The following C1orf35 variants were observed in gnomAD, a reference collection of about 807,000 sequenced individuals.
C1orf35 encodes the protein chromosome 1 open reading frame 35, also known as multiple myeloma tumor-associated protein 2.
Under a neutral mutation model 30.9 loss-of-function variants are expected in C1orf35, and 36 were observed. That is an observed-to-expected ratio of 1.16 (90% CI 0.89 to 1.54). C1orf35 has a LOEUF of 1.54. Ranked by LOEUF, C1orf35 falls within the 40% of genes most tolerant of loss-of-function variation. The probability of loss-of-function intolerance (pLI) is 0.00; values close to 1 mark genes in which losing one functional copy is unlikely to be tolerated. For missense variants in C1orf35, 396 were observed against 358.7 expected (o/e 1.10, Z -0.84); for synonymous variants, 179 against 148.2 (o/e 1.21, Z -1.51).
At chr1:228,101,749 C>G in intron 6 of C1orf35, 2 of 1,415,550 alleles carry the variant, frequency 1.4e-6, no homozygotes, top group South Asian at 1.5e-5. Context: ...ACCCACCAGG[C>G]CACTCTTAGG....
intron 2 of C1orf35, 96 bp downstream of exon 2, chr1:228,102,803 T>TGGCCCCCCCCCCCC: frequency 8.4e-7 from 1 of 1,187,498 alleles, no homozygotes; most frequent in Non-Finnish European, 1.1e-6. Flanking sequence ...GCAGCCCCGC[T>TGGCCCCCCCCCCCC]CCCGCCCAGC....
At chr1:228,101,695 C>T in intron 6 of C1orf35, 1 of 1,432,236 alleles carries the variant, frequency 7.0e-7, no homozygotes, top group Non-Finnish European at 9.1e-7. Context: ...CGCCCCTGCC[C>T]CACCCCAGCC....
In C1orf35 at chr1:228,102,895, T is replaced by G. The variant is rs754394326; in HGVS notation, c.245+4A>C. The G allele has an allele frequency of 2.1e-6, 3 of 1,443,756 alleles. No individual in the cohort carries two copies. The highest frequency in any genetic ancestry group is 1.8e-6 in the Non-Finnish European group (2 of 1,107,744). 89.4% of individuals were successfully genotyped at this position (1,443,756 alleles called of 1,614,324 possible). A position where few individuals can be genotyped will look rare whatever the true frequency, so the allele number is the denominator to read the frequency against. ...ACCGACCGCTGCCGTCCGCGGACAC[T>G]CACAGGGCGGCCAGCAGCGCCTCGC... On this transcript the variant is annotated splice_donor_region_variant and intron_variant, in intron 2 of 7. Transcript: ENST00000272139.
At position 228,101,415 on chromosome 1, in the gene C1orf35, T is replaced by C; in HGVS notation, c.592A>G (p.Lys198Glu). The C allele has an allele frequency of 6.2e-7, 1 of 1,613,962 alleles. No individual in the cohort carries two copies. The highest frequency in any genetic ancestry group is 8.5e-7 in the Non-Finnish European group (1 of 1,179,968). Reference protein sequence around the residue: ...EKKKKKKRKHKKEKKKKDKEH... With the variant: ...EKKKKKKRKHEKEKKKKDKEH... Reference sequence around the variant, plus strand: ...TTGTCTTTCTTCTTCTTCTCTTTCTTGTGTTTCCTCTTTTTCTTTTTCTTC... The same window carrying C: ...TTGTCTTTCTTCTTCTTCTCTTTCTCGTGTTTCCTCTTTTTCTTTTTCTTC... Residue 198 changes from lysine to glutamate, a missense_variant, in exon 7 of 8, where the codon AAG becomes GAG. Coordinates refer to ENST00000272139, the MANE Select transcript of C1orf35 (RefSeq NM_024319.4).
Position 228,101,322 on chromosome 1 carries a change from T to A in C1orf35, c.668+17A>T. Reference sequence around the variant, plus strand: ...CAGGCCCCCACCCCCAAGAGGCAGATATGGACCAGGGCATACCTCTCAGGA... The same window carrying A: ...CAGGCCCCCACCCCCAAGAGGCAGAAATGGACCAGGGCATACCTCTCAGGA... On this transcript the variant is annotated intron_variant, in intron 7 of 7. Coordinates refer to ENST00000272139, the MANE Select transcript of C1orf35 (RefSeq NM_024319.4). 6.2e-7 allele frequency: 1 copy of A among 1,614,120 alleles called. No homozygotes were observed. The highest frequency in any genetic ancestry group is 8.5e-7 in the Non-Finnish European group (1 of 1,180,004).
chr1:228,101,387 T>C lies in C1orf35; in HGVS notation c.620A>G (p.Glu207Gly). The C allele has an allele frequency of 6.2e-7, 1 of 1,614,046 alleles. No homozygotes were observed. Among genetic ancestry groups the C allele is most frequent in the East Asian group, 2.2e-5 (1 of 44,868 alleles). ...GGTGGCCTCAGCTGGCCGCCTGTGC[T>C]CTTTGTCTTTCTTCTTCTTCTCTTT... is the stretch of plus-strand genomic sequence containing the variant. Reference protein sequence around the residue: ...HKKEKKKKDKEHRRPAEATSS... With the variant: ...HKKEKKKKDKGHRRPAEATSS... Residue 207 changes from glutamate (E) to glycine (G), a missense_variant, in exon 7 of 8, where the codon GAG becomes GGG. Glu to Gly is a moderately conservative substitution (Grantham distance 98, BLOSUM62 -2). Coordinates refer to ENST00000272139, the MANE Select transcript of C1orf35 (RefSeq NM_024319.4).
chr1:228,101,307 C>A (rs2032939159), intron 7 of C1orf35, 32 bp downstream of exon 7: 2 of 1,614,150 alleles, frequency 1.2e-6, no homozygotes, highest in Non-Finnish European at 1.7e-6. Context: ...CAGGCCCCCA[C>A]CCCCAAGAGG....
Position 228,103,279 on chromosome 1 carries a change from C to A in C1orf35, c.-52G>T. On this transcript the variant is annotated 5_prime_UTR_variant, in exon 1 of 8. Transcript: ENST00000272139. ...CCTGCGGCTTGCAACCTGCAACCCGCAACCCGAGACCCGCTACCCACTACC... is the reference window on the plus strand; with the variant it reads ...CCTGCGGCTTGCAACCTGCAACCCGAAACCCGAGACCCGCTACCCACTACC... 6.3e-7 allele frequency: 1 copy of A among 1,588,816 alleles called. No individual in the cohort carries two copies. The highest frequency in any genetic ancestry group is 8.6e-7 in the Non-Finnish European group (1 of 1,168,820).
At chr1:228,102,053 C>A in intron 6 of C1orf35, 27 bp downstream of exon 6, 1 of 1,514,812 alleles carries the variant, frequency 6.6e-7, no homozygotes. Context: ...CCCCGGGGCA[C>A]AGCTAGCCCA....
At chr1:228,101,934 T>C in intron 6 of C1orf35, 146 bp downstream of exon 6, 2 of 1,420,106 alleles carry the variant, frequency 1.4e-6, no homozygotes, top group Non-Finnish European at 1.8e-6. Flanking sequence ...AACCTAGGAG[T>C]AACTGGGACA....
In C1orf35 at chr1:228,101,445, CCTT is replaced by C. The variant is rs746766819; in HGVS notation, c.559_561del (p.Lys187del). 53 of 1,612,846 alleles carry C rather than the reference CCTT, an allele frequency of 3.3e-5. No homozygotes were observed. The highest frequency in any genetic ancestry group is 1.7e-4 in the Middle Eastern group (1 of 6,032). ...TTCCTCTTTTTCTTTTTCTTCTTCT[CCTT>C]CTTGCTTTTCCTGTGGCTCTCACAA... On this transcript the variant is annotated inframe_deletion, in exon 7 of 8. Coordinates refer to ENST00000272139, the MANE Select transcript of C1orf35 (RefSeq NM_024319.4).
At position 228,100,958 on chromosome 1, in the gene C1orf35, G is replaced by A. The variant is rs551981323; in HGVS notation, c.*173C>T. ...AAACCTGGAGGTTTTCCAGGAAGCC[G>A]GCTGCTCCAGAGCTAGCTGTCAAGT... On this transcript the variant is annotated 3_prime_UTR_variant, in exon 8 of 8. Transcript: ENST00000272139. The A allele has an allele frequency of 1.0e-5, 10 of 988,466 alleles. No homozygotes were observed. Among genetic ancestry groups the A allele is most frequent in the South Asian group, 1.6e-5 (1 of 61,226 alleles). The allele number at this position is 988,466 out of a possible 1,614,324, so 61.2% of individuals were successfully genotyped here. A position where few individuals can be genotyped will look rare whatever the true frequency, so the allele number is the denominator to read the frequency against.
rs1227807822 is a variant in C1orf35, at chr1:228,101,375, G to A, written c.632C>T (p.Pro211Leu). 5.0e-6 allele frequency: 8 copies of A among 1,613,990 alleles called. No homozygotes were observed. The highest frequency in any genetic ancestry group is 6.8e-6 in the Non-Finnish European group (8 of 1,180,042). The stretch of plus-strand genomic sequence containing the variant: ...TGTGGGAGAGGAGGTGGCCTCAGCT[G>A]GCCGCCTGTGCTCTTTGTCTTTCTT... ...KKKKDKEHRRPAEATSSPTSP... is the reference protein window; with the variant it reads ...KKKKDKEHRRLAEATSSPTSP... Residue 211 changes from proline to leucine, a missense_variant, in exon 7 of 8, where the codon CCA becomes CTA. Coordinates refer to ENST00000272139, the MANE Select transcript of C1orf35 (RefSeq NM_024319.4).
In C1orf35 at chr1:228,101,258, G is replaced by A. The variant is rs1175153399; in HGVS notation, c.669-4C>T. 2 of 1,614,176 alleles carry A rather than the reference G, an allele frequency of 1.2e-6. No homozygotes were observed. The highest frequency in any genetic ancestry group is 1.7e-6 in the Non-Finnish European group (2 of 1,180,036). On this transcript the variant is annotated splice_region_variant and splice_polypyrimidine_tract_variant and intron_variant, in intron 7 of 7. Coordinates refer to ENST00000272139, the MANE Select transcript of C1orf35 (RefSeq NM_024319.4). ...GTCATGGTGGTGGTGCCTGGGCCTG[G>A]GGAGACCAATGGCAGTCAGTCACTC...
rs1181947914 is a variant in C1orf35, at chr1:228,102,877, G to A, written c.245+22C>T. 7 of 1,232,622 alleles carry A rather than the reference G, an allele frequency of 5.7e-6. No homozygotes were observed. In the African/African-American group the frequency reaches 8.9e-5, roughly 16 times the overall value. The allele number at this position is 1,232,622 out of a possible 1,614,324, so 76.4% of individuals were successfully genotyped here. A position where few individuals can be genotyped will look rare whatever the true frequency, so the allele number is the denominator to read the frequency against. On this transcript the variant is annotated intron_variant, in intron 2 of 7. Transcript: ENST00000272139. ...GGCAGCGCCGTCCCAGGCACCGACC[G>A]CTGCCGTCCGCGGACACTCACAGGG...
Position 228,101,242 on chromosome 1 carries a change from G to A in C1orf35, c.681C>T (p.His227=), listed in dbSNP as rs11557194. The A allele has an allele frequency of 2.0e-5, 32 of 1,614,064 alleles. No individual in the cohort carries two copies. The highest frequency in any genetic ancestry group is 2.6e-5 in the Non-Finnish European group (31 of 1,180,052). ...SPTSPERPRH[H]HHDSDSNSPC... is the part of the protein sequence containing the mutation. ...GGGAGTTGGAGTCGGAGTCATGGTG[G>A]TGGTGCCTGGGCCTGGGGAGACCAA... is the stretch of plus-strand genomic sequence containing the variant. The change falls in exon 8 of 8, where the codon CAC becomes CAT. Residue 227 remains histidine, a synonymous_variant. Transcript: ENST00000272139.
At position 228,102,376 on chromosome 1, in the gene C1orf35, G is replaced by A. The variant is rs1484475552; in HGVS notation, c.381C>T (p.Ser127=). Residue 127 remains serine (S), a synonymous_variant, in exon 5 of 8, where the codon TCC becomes TCT. Coordinates refer to ENST00000272139, the MANE Select transcript of C1orf35 (RefSeq NM_024319.4). ...RLLGLGSASG[S]VGRVAMSRED... is the part of the protein sequence containing the mutation. ...CTCGGGACATCGCCACGCGGCCCAC[G>A]GAGCCACTGCAGGGACATGGCGATG... The A allele has an allele frequency of 6.2e-7, 1 of 1,610,598 alleles. No individual in the cohort carries two copies. The highest frequency in any genetic ancestry group is 8.5e-7 in the Non-Finnish European group (1 of 1,179,512).
intron 4 of C1orf35, 30 bp downstream of exon 4, chr1:228,102,448 T>G: frequency 1.9e-6 from 3 of 1,571,666 alleles, no homozygotes; most frequent in Non-Finnish European, 2.6e-6. Context: ...TCGAGCCCAG[T>G]GCTGCCCTCC....
chr1:228,103,096 A>G (rs372449478), intron 1 of C1orf35, 38 bp downstream of exon 1: 456 of 1,602,560 alleles, frequency 2.8e-4, no homozygotes, highest in African/African-American at 1.8e-3. Flanking sequence ...GGGATCCCGG[A>G]GCCCGGAGCC....
Sources: gnomAD v4.1 joint callset for allele counts on GRCh38, gnomAD v4.1.1 for gene constraint, MANE v1.5 for transcripts, NCBI Gene and HGNC (gene_info 2026-07-23, HGNC 2026-07-21) for gene names.